Variants in TAX1BP1 observed in about 807,000 individuals in gnomAD.
TAX1BP1 encodes Tax1 binding protein 1.
In TAX1BP1, 62 loss-of-function variants were observed where a neutral mutation model predicts 97.7. The observed-to-expected ratio is 0.63, with a 90% CI of 0.52 to 0.78. The LOEUF is 0.78. TAX1BP1 is among the 30% of genes least tolerant of loss of function. TAX1BP1 has a pLI of 0.00. For missense variants in TAX1BP1, 867 were observed against 916.1 expected, an observed-to-expected ratio of 0.95 and a Z score of 0.69; for synonymous variants, 340 against 304.2, an observed-to-expected ratio of 1.12 and a Z score of -1.23.
At chr7:27,795,980 A>G (rs1789917302) in intron 11 of TAX1BP1, 136 bp from the exon 12 acceptor site, 5 of 619,034 alleles carry the variant, frequency 8.1e-6, no homozygotes, top group South Asian at 2.1e-5. Context: ...TATCTAGGAT[A>G]TGAATAGATA....
At chr7:27,782,513 G>C (rs1203439803) in intron 5 of TAX1BP1, among the ~76,000 whole-genome samples, 1 of 152,078 alleles carries the variant, frequency 6.6e-6, no homozygotes, top group Non-Finnish European at 1.5e-5. Flanking sequence ...GCCCCCCAAA[G>C]TGCTGGGATT....
intron 2 of TAX1BP1, among the ~76,000 whole-genome samples, chr7:27,751,861 C>T (rs907427122): frequency 2.6e-5 from 4 of 151,958 alleles, no homozygotes; most frequent in African/African-American, 7.3e-5. Context: ...CCATGTTGCC[C>T]GGGCTGGTCT....
chr7:27,775,484 G>A (rs1788997407), intron 5 of TAX1BP1, among the ~76,000 whole-genome samples: 1 of 152,108 alleles, frequency 6.6e-6, no homozygotes, highest in African/African-American at 2.4e-5. Flanking sequence ...GAATTTTGTG[G>A]TGGTAGCTTT....
chr7:27,811,776 C>G (rs1016143096), intron 13 of TAX1BP1, among the ~76,000 whole-genome samples: 2 of 152,138 alleles, frequency 1.3e-5, no homozygotes, highest in African/African-American at 2.4e-5. Context: ...CCTGCTACCC[C>G]CCTGTCCTAG....
intron 13 of TAX1BP1, among the ~76,000 whole-genome samples, chr7:27,808,143 G>C (rs1204441740): frequency 1.3e-5 from 2 of 152,166 alleles, no homozygotes; most frequent in Non-Finnish European, 2.9e-5. Flanking sequence ...GATCTGGGCT[G>C]TAGGTGTACC....
At chr7:27,769,870 A>G in intron 5 of TAX1BP1, 36 bp downstream of exon 5, 2 of 1,602,432 alleles carry the variant, frequency 1.2e-6, no homozygotes, top group Non-Finnish European at 1.7e-6. Context: ...TGAAGTTGAT[A>G]GTATATTGCC....
Position 27,785,485 on chromosome 7 carries a change from A to T in TAX1BP1, c.848A>T (p.Tyr283Phe). 1 of 1,607,638 alleles carries T rather than the reference A, an allele frequency of 6.2e-7. No individual in the cohort carries two copies. The highest frequency in any genetic ancestry group is 8.5e-7 in the Non-Finnish European group (1 of 1,177,598). ...ACAGAGAAGGATGAAAAGGAACTTT[A>T]TAAGGTAATTTATTTTTTACCATAT... ...LKTEKDEKELYKVHLKNTEIE... is the reference protein window; with the variant it reads ...LKTEKDEKELFKVHLKNTEIE... The change falls in exon 7 of 17, where the codon TAT becomes TTT. Residue 283 changes from tyrosine (Y) to phenylalanine (F), a missense_variant. Around this residue, in one of 3 missense-constraint regions of TAX1BP1, gnomAD observed 822 missense variants for 851.4 expected, o/e 0.97. Transcript: ENST00000396319.
chr7:27,766,419 C>CAAAAAAAAAAAAAAAAAAA (rs201297532), intron 4 of TAX1BP1, among the ~76,000 whole-genome samples: 1 of 76,886 alleles, frequency 1.3e-5, no homozygotes, highest in Non-Finnish European at 2.4e-5. Flanking sequence ...GACTCCGTAT[C>CAAAAAAAAAAAAAAAAAAA]AAAAAAAAAA....
At chr7:27,755,674 G>A (rs988331824) in intron 2 of TAX1BP1, among the ~76,000 whole-genome samples, 4 of 151,986 alleles carry the variant, frequency 2.6e-5, no homozygotes, top group African/African-American at 9.7e-5. Context: ...TTATTTTGCT[G>A]TTGCAGTAGT....
In TAX1BP1 at chr7:27,766,008, CA is replaced by C. The variant is rs1244085407; in HGVS notation, c.441del (p.Gly148AlafsTer5). The C allele has an allele frequency of 6.2e-7, 1 of 1,613,592 alleles. No homozygotes were observed. The highest frequency in any genetic ancestry group is 1.7e-5 in the Admixed American group (1 of 59,968). Reference sequence around the variant, plus strand: ...GACATGTTAGTGGTGACCACAAAAGCAGGCCTTCTTGAGGTTGGTGTTCACA... The same window carrying C: ...GACATGTTAGTGGTGACCACAAAAGCGGCCTTCTTGAGGTTGGTGTTCACA... ...NSDMLVVTTKAGLLELKIEKT... is the reference protein window; with the variant it reads ...NSDMLVVTTKXGLLELKIEKT... On this transcript the variant is annotated frameshift_variant, in exon 4 of 17. Transcript: ENST00000396319. LOFTEE classifies it high-confidence loss of function.
intron 5 of TAX1BP1, among the ~76,000 whole-genome samples, chr7:27,781,032 T>TA (rs1207139571): frequency 3.3e-5 from 5 of 152,032 alleles, no homozygotes; most frequent in Admixed American, 2.0e-4. Flanking sequence ...ATATGAAACC[T>TA]AATGTTAAAA....
At chr7:27,762,497 G>A (rs1031616702) in intron 3 of TAX1BP1, among the ~76,000 whole-genome samples, 14 of 151,724 alleles carry the variant, frequency 9.2e-5, no homozygotes, top group African/African-American at 3.1e-4. Flanking sequence ...GGAGTTAAGA[G>A]ACCAGTGTGG....
rs184845751 is a variant in TAX1BP1 at position 27,765,880 on chromosome 7, C to T, written c.312C>T (p.Tyr104=). ...ATGGAGAATTTTATCAGTTCTGTTA[C>T]GTTACCCATAAGGGTGAAATTCGTG... is the stretch of plus-strand genomic sequence containing the variant. ...NDDGEFYQFC[Y]VTHKGEIRGA... The change falls in exon 4 of 17, where the codon TAC becomes TAT. Residue 104 remains tyrosine (Y), a synonymous_variant. Transcript: ENST00000396319. The T allele has an allele frequency of 5.6e-6, 9 of 1,614,134 alleles. No individual in the cohort carries two copies. Among genetic ancestry groups the T allele is most frequent in the Admixed American group, 5.0e-5 (3 of 60,026 alleles).
Position 27,744,250 on chromosome 7 carries a change from C to G in TAX1BP1, c.-8+3981C>G, listed in dbSNP as rs1181881899. 3.9e-5 allele frequency among the ~76,000 whole-genome samples: 6 copies of G among 152,280 alleles called. No individual in the cohort carries two copies. The East Asian group carries it at 7.7e-4, about 20-fold the overall frequency. On this transcript the variant is annotated intron_variant, in intron 1 of 16. Transcript: ENST00000396319. ...ACGCCATTCTCCTGCCTCAGCCTCC[C>G]GAGTAGCTGGGACTACAGGCGCCTG...
chr7:27,782,768 G>A (rs550719253), intron 5 of TAX1BP1, among the ~76,000 whole-genome samples: 1 of 152,202 alleles, frequency 6.6e-6, no homozygotes, highest in South Asian at 2.1e-4. Context: ...GTGTTCAGGT[G>A]CTAGTTTACT....
chr7:27,751,056 A>G (rs994329482), intron 2 of TAX1BP1, among the ~76,000 whole-genome samples: 1 of 152,214 alleles, frequency 6.6e-6, no homozygotes, highest in Non-Finnish European at 1.5e-5. Context: ...AGAGCCATAC[A>G]GGGCTCCTGT....
At chr7:27,810,818 C>G (rs1417505131) in intron 13 of TAX1BP1, among the ~76,000 whole-genome samples, 1 of 152,012 alleles carries the variant, frequency 6.6e-6, no homozygotes, top group Admixed American at 6.6e-5. Flanking sequence ...CATATTTTAC[C>G]AAGCCTGAAA....
intron 2 of TAX1BP1, among the ~76,000 whole-genome samples, chr7:27,749,412 T>G (rs1787942987): frequency 1.3e-5 from 2 of 152,240 alleles, no homozygotes; most frequent in Admixed American, 6.5e-5. Flanking sequence ...TTCTCCTGTG[T>G]TATTCTGTAG....
chr7:27,805,551 G>T (rs905324206), intron 13 of TAX1BP1, among the ~76,000 whole-genome samples: 20 of 152,148 alleles, frequency 1.3e-4, no homozygotes, highest in African/African-American at 4.8e-4. Context: ...AAATGCATAT[G>T]CTTTGCCGGG....
Sources: gnomAD v4.1 joint callset for allele counts (sites outside exome capture counted in the v4.1 genomes callset) on GRCh38, gnomAD v4.1.1 for gene constraint, gnomAD v4.1.1 regional missense constraint, MANE v1.5 for transcripts, NCBI Gene and HGNC (gene_info 2026-07-23, HGNC 2026-07-21) for gene names.